The following CFAP95 variants were observed in gnomAD, a reference collection of about 807,000 sequenced individuals.
CFAP95 encodes cilia and flagella associated protein 95.
chr9:69,903,719 A>G, the CFAP95 span, among the ~76,000 whole-genome samples: 3 of 152,240 alleles, frequency 2.0e-5, no homozygotes, highest in East Asian at 5.8e-4. Context: ...TAATGTCAGA[A>G]TTGCTTTTTC....
At chr9:69,836,555 C>T in the CFAP95 span, among the ~76,000 whole-genome samples, 17 of 152,044 alleles carry the variant, frequency 1.1e-4, no homozygotes, top group South Asian at 1.5e-3. Flanking sequence ...ATATTTTTCA[C>T]GACCCATCAA....
the CFAP95 span, among the ~76,000 whole-genome samples, chr9:69,905,144 G>T: frequency 6.6e-6 from 1 of 152,120 alleles, no homozygotes; most frequent in Non-Finnish European, 1.5e-5. Context: ...CACTATTAAG[G>T]TTGAATATAT....
At chr9:69,838,699 C>G in the CFAP95 span, among the ~76,000 whole-genome samples, 55 of 151,462 alleles carry the variant, frequency 3.6e-4, no homozygotes, top group South Asian at 8.4e-4. Context: ...TTGACTTCCT[C>G]TTTTCCTAAT....
the CFAP95 span, among the ~76,000 whole-genome samples, chr9:69,852,795 G>A: frequency 2.9e-4 from 44 of 152,274 alleles, no homozygotes; most frequent in Non-Finnish European, 5.4e-4. Context: ...TAATGGTGGC[G>A]GGTCTTTCCC....
the CFAP95 span, among the ~76,000 whole-genome samples, chr9:69,853,705 A>G: frequency 1.3e-5 from 2 of 152,214 alleles, no homozygotes; most frequent in East Asian, 1.9e-4. Flanking sequence ...CCTACATGCA[A>G]CAGACACTGA....
the CFAP95 span, among the ~76,000 whole-genome samples, chr9:69,878,394 T>C: frequency 0.86 from 131,270 of 152,198 alleles, 56,770 homozygotes; most frequent in Middle Eastern, 0.93. Context: ...CCTCTGTGTT[T>C]CACCCCTGCT....
the CFAP95 span, among the ~76,000 whole-genome samples, chr9:69,864,709 T>C: frequency 3.9e-5 from 6 of 152,190 alleles, no homozygotes; most frequent in Non-Finnish European, 2.9e-5. Context: ...GCAGTTTAAA[T>C]TCTTCCCTTT....
chr9:69,904,989 C>A, the CFAP95 span, among the ~76,000 whole-genome samples: 1 of 152,094 alleles, frequency 6.6e-6, no homozygotes, highest in African/African-American at 2.4e-5. Flanking sequence ...TCTTTAAATT[C>A]TCTCCTGAGA....
the CFAP95 span, among the ~76,000 whole-genome samples, chr9:69,893,550 T>C: frequency 6.6e-6 from 1 of 152,212 alleles, no homozygotes; most frequent in Non-Finnish European, 1.5e-5. Context: ...CCCATTTTCA[T>C]TTCAGCATAG....
At chr9:69,843,151 C>T in the CFAP95 span, among the ~76,000 whole-genome samples, 1 of 152,124 alleles carries the variant, frequency 6.6e-6, no homozygotes, top group African/African-American at 2.4e-5. Context: ...CTCCATTAGA[C>T]TCACTTCCCA....
At chr9:69,850,523 T>G in the CFAP95 span, among the ~76,000 whole-genome samples, 1 of 152,232 alleles carries the variant, frequency 6.6e-6, no homozygotes, top group Non-Finnish European at 1.5e-5. Context: ...ACAAACGATA[T>G]AATTATACCA....
At chr9:69,843,619 TTCTTCTTCTTCCTCC>T in the CFAP95 span, among the ~76,000 whole-genome samples, 4 of 57,844 alleles carry the variant, frequency 6.9e-5, no homozygotes, top group East Asian at 1.6e-3. Flanking sequence ...CTTCTTCTTC[TTCTTCTTCTTCCTCC>T]TCCTCCTCCT....
the CFAP95 span, chr9:69,906,227 A>C: frequency 9.4e-7 from 1 of 1,063,882 alleles, no homozygotes; most frequent in Non-Finnish European, 1.3e-6. Context: ...TGGAAGTGTT[A>C]CTATAGTAGA....
the CFAP95 span, among the ~76,000 whole-genome samples, chr9:69,888,186 G>A: frequency 6.6e-6 from 1 of 152,018 alleles, no homozygotes; most frequent in Non-Finnish European, 1.5e-5. Context: ...TATTTGAAAG[G>A]ACAAACAGAT....
At chr9:69,859,991 C>A in the CFAP95 span, among the ~76,000 whole-genome samples, 1 of 152,182 alleles carries the variant, frequency 6.6e-6, no homozygotes, top group Non-Finnish European at 1.5e-5. Context: ...TGCATGTACC[C>A]TGCAAGACTG....
chr9:69,822,390 T>C, the CFAP95 span, among the ~76,000 whole-genome samples: 1 of 152,232 alleles, frequency 6.6e-6, no homozygotes, highest in Non-Finnish European at 1.5e-5. Flanking sequence ...CTTTCTGCTT[T>C]TACTTCTCAA....
chr9:69,852,259 T>G, the CFAP95 span, among the ~76,000 whole-genome samples: 1 of 152,118 alleles, frequency 6.6e-6, no homozygotes, highest in Non-Finnish European at 1.5e-5. Flanking sequence ...TAGTTATGAC[T>G]GAAGATCTAA....
the CFAP95 span, among the ~76,000 whole-genome samples, chr9:69,829,468 T>C: frequency 7.9e-5 from 12 of 152,214 alleles, no homozygotes; most frequent in Admixed American, 6.5e-4. Flanking sequence ...AGGCAAAGTA[T>C]ACAGAAGAGG....
At chr9:69,895,960 C>G in the CFAP95 span, among the ~76,000 whole-genome samples, 1 of 152,126 alleles carries the variant, frequency 6.6e-6, no homozygotes, top group African/African-American at 2.4e-5. Flanking sequence ...TGCGCCTGGC[C>G]TGGTCTAACA....
Sources: gnomAD v4.1 joint callset for allele counts (sites outside exome capture counted in the v4.1 genomes callset) on GRCh38, gnomAD v4.1.1 for gene constraint, MANE v1.5 for transcripts, NCBI Gene and HGNC (gene_info 2026-07-23, HGNC 2026-07-21) for gene names.